PDE4D: variants seen among roughly 807,000 people sequenced by gnomAD.
PDE4D encodes 3',5'-cyclic-AMP phosphodiesterase 4D.
Under a neutral mutation model 87.4 loss-of-function variants are expected in PDE4D, and 24 were observed. The ratio of observed to expected loss-of-function variants is 0.27; its 90% CI spans 0.20 to 0.39. PDE4D has a LOEUF of 0.39. PDE4D is among the 10% of genes least tolerant of loss of function. The pLI, the probability that PDE4D is intolerant of heterozygous loss-of-function variation, is 1.00. For synonymous variants in PDE4D, 384 were observed against 383.2 expected, an observed-to-expected ratio of 1.00 and a Z score of -0.02; for missense variants, 714 against 1,041.0, an observed-to-expected ratio of 0.69 and a Z score of 4.32.
intron 1 of PDE4D, among the ~76,000 whole-genome samples, chr5:60,418,687 G>A (rs1302540643): frequency 2.0e-5 from 3 of 151,956 alleles, no homozygotes; most frequent in African/African-American, 7.3e-5. Context: ...ACATCATAGA[G>A]AATGGAGTAT....
At chr5:59,246,191 T>A (rs1758806896) in intron 1 of PDE4D, among the ~76,000 whole-genome samples, 1 of 152,020 alleles carries the variant, frequency 6.6e-6, no homozygotes, top group Admixed American at 6.6e-5. Flanking sequence ...TCAGCTTTGT[T>A]TGAAGGACAC....
At chr5:59,041,153 C>T (rs1029851286) in intron 5 of PDE4D, among the ~76,000 whole-genome samples, 3 of 151,750 alleles carry the variant, frequency 2.0e-5, no homozygotes, top group African/African-American at 7.3e-5. Context: ...GCTTTTTTTT[C>T]CCCCTTAACA....
At position 58,993,482 on chromosome 5, in the gene PDE4D, T is replaced by C. The variant is rs761076171; in HGVS notation, c.922-17A>G. 5.6e-5 allele frequency: 83 copies of C among 1,473,962 alleles called. No homozygotes were observed. The highest frequency in any genetic ancestry group is 1.8e-4 in the Middle Eastern group (1 of 5,696). The allele number at this position is 1,473,962 out of a possible 1,614,324, so 91.3% of individuals were successfully genotyped here. On this transcript the variant is annotated splice_polypyrimidine_tract_variant and intron_variant, in intron 6 of 14. Transcript: ENST00000340635. ...CCTTTTAAACTGAAAAACAGAAAAG[T>C]AAAATGAAATAATAGAAGAGGAAAA... is the stretch of plus-strand genomic sequence containing the variant.
chr5:59,288,977 T>C (rs1033805618), intron 1 of PDE4D, among the ~76,000 whole-genome samples: 1 of 152,058 alleles, frequency 6.6e-6, no homozygotes, highest in Non-Finnish European at 1.5e-5. Flanking sequence ...AGCATATTAA[T>C]GAGCAATAAG....
intron 1 of PDE4D, among the ~76,000 whole-genome samples, chr5:60,329,382 C>T (rs1413224666): frequency 6.6e-6 from 1 of 152,186 alleles, no homozygotes; most frequent in African/African-American, 2.4e-5. Flanking sequence ...GACATGTTTG[C>T]TTCCCCTTCC....
chr5:59,714,313 T>C (rs1164876582), intron 1 of PDE4D, among the ~76,000 whole-genome samples: 2 of 152,228 alleles, frequency 1.3e-5, no homozygotes, highest in African/African-American at 4.8e-5. Flanking sequence ...GACATTGCTG[T>C]ATGACCTGGT....
In PDE4D at chr5:60,520,056, A is replaced by G. The variant is rs1750966647; in HGVS notation, n.70+1995T>C. Among the ~76,000 whole-genome samples the G allele has an allele frequency of 2.0e-5, 3 of 152,348 alleles. No individual in the cohort carries two copies. The South Asian group carries it at 6.2e-4, about 32-fold the overall frequency. On this transcript the variant is annotated intron_variant and non_coding_transcript_variant, in intron 1 of 2. Coordinates refer to the PDE4D transcript ENST00000506510. ...TTCCCATGAGATTCTTCTAAATGAT[A>G]GGATCCTCTGATATCTTCAAAATAT... is the stretch of plus-strand genomic sequence containing the variant.
chr5:59,331,092 T>C (rs1195831906), intron 1 of PDE4D, among the ~76,000 whole-genome samples: 1 of 152,206 alleles, frequency 6.6e-6, no homozygotes, highest in Non-Finnish European at 1.5e-5. Flanking sequence ...GTTACACCTA[T>C]ACAATGTTTT....
intron 1 of PDE4D, among the ~76,000 whole-genome samples, chr5:60,446,501 C>T (rs749660364): frequency 2.6e-5 from 4 of 152,108 alleles, no homozygotes; most frequent in Non-Finnish European, 5.9e-5. Flanking sequence ...ATCATATTAT[C>T]ATATACTAGC....
At chr5:60,092,911 CG>C (rs1775284646) in intron 2 of PDE4D, among the ~76,000 whole-genome samples, 1 of 152,302 alleles carries the variant, frequency 6.6e-6, no homozygotes, top group African/African-American at 2.4e-5. Flanking sequence ...TGGACTGCAT[CG>C]GGGTGAGCCT....
chr5:59,169,324 T>A (rs1234190727), intron 5 of PDE4D, among the ~76,000 whole-genome samples: 2 of 152,042 alleles, frequency 1.3e-5, no homozygotes, highest in African/African-American at 2.4e-5. Context: ...TCTTTTATTT[T>A]TTTTTTTTCT....
intron 1 of PDE4D, among the ~76,000 whole-genome samples, chr5:59,386,940 T>C (rs951600917): frequency 6.6e-6 from 1 of 152,170 alleles, no homozygotes; most frequent in Non-Finnish European, 1.5e-5. Flanking sequence ...GCTTTCTCCA[T>C]TACATCAAAT....
chr5:59,655,130 A>G (rs899504117), intron 1 of PDE4D, among the ~76,000 whole-genome samples: 9 of 151,902 alleles, frequency 5.9e-5, no homozygotes, highest in Non-Finnish European at 1.3e-4. Flanking sequence ...TTTTTTTTCA[A>G]CCATTGCCAT....
intron 1 of PDE4D, among the ~76,000 whole-genome samples, chr5:59,230,932 C>T (rs889416165): frequency 9.2e-5 from 14 of 152,076 alleles, no homozygotes; most frequent in Admixed American, 3.3e-4. Flanking sequence ...TATTATCTTA[C>T]GATGGCCATA....
chr5:59,043,222 A>T (rs1159799998), intron 5 of PDE4D, among the ~76,000 whole-genome samples: 1 of 152,192 alleles, frequency 6.6e-6, no homozygotes, highest in East Asian at 1.9e-4. Flanking sequence ...TAAAAAAAAA[A>T]TACAAATTAT....
chr5:60,006,967 C>T (rs1443352459), intron 2 of PDE4D, among the ~76,000 whole-genome samples: 1 of 152,062 alleles, frequency 6.6e-6, no homozygotes, highest in African/African-American at 2.4e-5. Flanking sequence ...ATTTCTAGAA[C>T]TCAAATTCAG....
rs1582207898 is a variant in PDE4D at position 59,371,259 on chromosome 5, T to A, written c.456-155291A>T. ...AATGATACGTTAGGAGTGGGACCTT[T>A]GTTCCATTTAGAAGTGAAAACTTAC... On this transcript the variant is annotated intron_variant, in intron 1 of 14. Transcript: ENST00000340635. Among the ~76,000 whole-genome samples, 4 of 152,338 alleles carry A rather than the reference T, an allele frequency of 2.6e-5. No individual in the cohort carries two copies. The East Asian group carries it at 7.7e-4, about 29-fold the overall frequency.
At chr5:60,196,816 A>G (rs1373866254) in intron 1 of PDE4D, among the ~76,000 whole-genome samples, 2 of 151,522 alleles carry the variant, frequency 1.3e-5, no homozygotes, top group Non-Finnish European at 3.0e-5. Context: ...TTTTTGTCCC[A>G]TATTAAAGTA....
intron 1 of PDE4D, among the ~76,000 whole-genome samples, chr5:59,810,152 C>T (rs776288680): frequency 6.6e-6 from 1 of 152,180 alleles, no homozygotes; most frequent in African/African-American, 2.4e-5. Context: ...AGATGGCGCA[C>T]ACTTCTCAGA....
Sources: allele counts gnomAD v4.1 joint callset (sites outside exome capture counted in the v4.1 genomes callset), GRCh38; gene constraint gnomAD v4.1.1; transcripts MANE v1.5; gene names NCBI Gene and HGNC (gene_info 2026-07-23, HGNC 2026-07-21).